The following CADPS variants were observed in gnomAD, a reference collection of about 807,000 sequenced individuals.
CADPS encodes the protein calcium dependent secretion activator.
Under a neutral mutation model 167.3 loss-of-function variants are expected in CADPS, and 57 were observed. That is an observed-to-expected ratio of 0.34 (90% CI 0.28 to 0.42). The LOEUF is 0.42. Ranked by LOEUF, CADPS falls within the 20% of genes least tolerant of loss-of-function variation. The pLI is 1.00. For synonymous variants in CADPS, 676 were observed against 635.3 expected (o/e 1.06, Z -0.96); for missense variants, 1,414 against 1,738.1 (o/e 0.81, Z 3.32).
intron 6 of CADPS, among the ~76,000 whole-genome samples, chr3:62,636,270 G>T (rs371924655): frequency 4.6e-5 from 7 of 152,206 alleles, no homozygotes; most frequent in African/African-American, 1.7e-4. Context: ...GCACAGGTGA[G>T]ATTCAAAGTA....
chr3:62,506,523 A>C (rs546672532), intron 17 of CADPS, among the ~76,000 whole-genome samples: 2 of 152,316 alleles, frequency 1.3e-5, no homozygotes, highest in African/African-American at 4.8e-5. Context: ...TTGTATGCCA[A>C]CTCAGGCTTT....
At chr3:62,676,399 T>A (rs1300080259) in intron 3 of CADPS, among the ~76,000 whole-genome samples, 4 of 152,150 alleles carry the variant, frequency 2.6e-5, no homozygotes, top group African/African-American at 4.8e-5. Flanking sequence ...TCTATGCGAT[T>A]TTTTAAAATT....
intron 3 of CADPS, among the ~76,000 whole-genome samples, chr3:62,740,269 G>T (rs1010730454): frequency 6.6e-6 from 1 of 152,194 alleles, no homozygotes; most frequent in African/African-American, 2.4e-5. Flanking sequence ...AAGTGCAATG[G>T]CAGCAAAACC....
chr3:62,613,359 T>C (rs1275896448), intron 6 of CADPS, among the ~76,000 whole-genome samples: 2 of 152,202 alleles, frequency 1.3e-5, no homozygotes, highest in Non-Finnish European at 2.9e-5. Flanking sequence ...ACCTAAGCAT[T>C]GGCAGTTTAG....
Position 62,499,263 on chromosome 3 carries a change from C to T in CADPS, c.2605G>A (p.Val869Ile). 1.2e-6 allele frequency: 2 copies of T among 1,607,584 alleles called. No homozygotes were observed. The highest frequency in any genetic ancestry group is 1.7e-6 in the Non-Finnish European group (2 of 1,174,134). Residue 869 changes from valine (V) to isoleucine (I), a missense_variant, in exon 18 of 30, where the codon GTA becomes ATA. Val to Ile is a conservative substitution (Grantham distance 29, BLOSUM62 3). Coordinates refer to ENST00000383710, the MANE Select transcript of CADPS (RefSeq NM_003716.4). ...IEENQKDAEN[V>I]GRLITPAKKL... ...TTGGCAGGAGTGATTAACCGGCCTA[C>T]ATTTTCTGTAGTACAAGAGTTTGTG...
rs1331088074 is a variant in CADPS, at chr3:62,645,805, A to G, written c.1242T>C (p.Ala414=). 1 of 1,614,042 alleles carries G rather than the reference A, an allele frequency of 6.2e-7. No individual in the cohort carries two copies. Among genetic ancestry groups the G allele is most frequent in the Non-Finnish European group, 8.5e-7 (1 of 1,179,934 alleles). ...IMEVQGLKSL[A]PNRIVYCTME... is the part of the protein sequence containing the mutation. Reference sequence around the variant, plus strand: ...TTGTGCAATATACGATGCGATTTGGAGCCAAAGATTTGAGGCCTTGGACTT... The same window carrying G: ...TTGTGCAATATACGATGCGATTTGGGGCCAAAGATTTGAGGCCTTGGACTT... Residue 414 remains alanine (A), a synonymous_variant, in exon 6 of 30, where the codon GCT becomes GCC. Coordinates refer to ENST00000383710, the MANE Select transcript of CADPS (RefSeq NM_003716.4).
At chr3:62,720,352 A>T (rs1356167269) in intron 3 of CADPS, among the ~76,000 whole-genome samples, 3 of 120,990 alleles carry the variant, frequency 2.5e-5, no homozygotes, top group African/African-American at 7.9e-5. Context: ...TTTTTTTTTG[A>T]AACACGGTAT....
intron 6 of CADPS, among the ~76,000 whole-genome samples, chr3:62,605,684 TC>T (rs1302116731): frequency 6.6e-6 from 1 of 152,226 alleles, no homozygotes; most frequent in Non-Finnish European, 1.5e-5. Flanking sequence ...GACTCTATTT[TC>T]TTACTTGTAA....
At chr3:62,443,477 T>C (rs1459185800) in intron 27 of CADPS, among the ~76,000 whole-genome samples, 1 of 152,146 alleles carries the variant, frequency 6.6e-6, no homozygotes, top group African/African-American at 2.4e-5. Flanking sequence ...GGTTTGGCTG[T>C]GTCCCCACCC....
intron 6 of CADPS, among the ~76,000 whole-genome samples, chr3:62,628,437 T>C (rs2064543853): frequency 6.6e-6 from 1 of 152,180 alleles, no homozygotes; most frequent in African/African-American, 2.4e-5. Context: ...CAGCAAAATC[T>C]AGTAATATGC....
chr3:62,648,910 G>T (rs62242512), intron 5 of CADPS, among the ~76,000 whole-genome samples: 2 of 151,776 alleles, frequency 1.3e-5, no homozygotes, highest in African/African-American at 2.4e-5. Flanking sequence ...GAAATTACAC[G>T]GATGATTTTT....
chr3:62,671,712 C>G (rs2075541899), intron 3 of CADPS, among the ~76,000 whole-genome samples: 1 of 152,088 alleles, frequency 6.6e-6, no homozygotes, highest in South Asian at 2.1e-4. Flanking sequence ...GAGGCTGCAC[C>G]TGGACCAAAT....
intron 3 of CADPS, among the ~76,000 whole-genome samples, chr3:62,679,601 A>T (rs2076832345): frequency 6.6e-6 from 1 of 151,986 alleles, no homozygotes; most frequent in Non-Finnish European, 1.5e-5. Flanking sequence ...GGACCAATGG[A>T]GAGATAGTGA....
At chr3:62,621,649 C>T (rs112861782) in intron 6 of CADPS, among the ~76,000 whole-genome samples, 1,534 of 152,014 alleles carry the variant, frequency 0.01, 28 homozygotes, top group African/African-American at 0.035. Flanking sequence ...GGTAAACATG[C>T]TTCGTGGGGG....
intron 17 of CADPS, among the ~76,000 whole-genome samples, chr3:62,510,112 C>T (rs145598618): frequency 1.8e-3 from 280 of 152,220 alleles, no homozygotes; most frequent in African/African-American, 6.4e-3. Flanking sequence ...TTCATCCATC[C>T]ACCCACCCAC....
rs116269232 is a variant in CADPS at position 62,569,392 on chromosome 3, G to A, written c.1644+1480C>T. Among the ~76,000 whole-genome samples the A allele has an allele frequency of 8.4e-3, 1,286 of 152,294 alleles. 8 individuals carry two copies. Among genetic ancestry groups the A allele is most frequent in the Non-Finnish European group, 0.016 (1,072 of 68,012 alleles). ...GCTGGGATTACAGGCGTGAGCCACC[G>A]TGCTGGGCAGCCGTGGGTTATTCTG... is the stretch of plus-strand genomic sequence containing the variant. On this transcript the variant is annotated intron_variant, in intron 9 of 29. Coordinates refer to ENST00000383710, the MANE Select transcript of CADPS (RefSeq NM_003716.4).
chr3:62,469,408 A>C (rs557000037), intron 24 of CADPS, among the ~76,000 whole-genome samples: 1 of 152,184 alleles, frequency 6.6e-6, no homozygotes, highest in East Asian at 1.9e-4. Flanking sequence ...ATTAACAAAC[A>C]TTCCTACTAG....
chr3:62,591,015 C>T (rs181735307), intron 7 of CADPS, among the ~76,000 whole-genome samples: 728 of 152,032 alleles, frequency 4.8e-3, no homozygotes, highest in African/African-American at 0.016. Context: ...CCACCACGCC[C>T]GGCTAATTTT....
At chr3:62,784,681 G>A (rs1272171995) in intron 1 of CADPS, among the ~76,000 whole-genome samples, 3 of 150,938 alleles carry the variant, frequency 2.0e-5, no homozygotes, top group East Asian at 3.9e-4. Context: ...ACCAACGGGT[G>A]TAACCAGCAA....
Sources: allele counts gnomAD v4.1 joint callset (sites outside exome capture counted in the v4.1 genomes callset), GRCh38; gene constraint gnomAD v4.1.1; transcripts MANE v1.5; gene names NCBI Gene and HGNC (gene_info 2026-07-23, HGNC 2026-07-21).